The following CTTNBP2 variants were observed in gnomAD, a reference collection of about 807,000 sequenced individuals.
The protein encoded by CTTNBP2 is cortactin binding protein 2.
In CTTNBP2, 108 loss-of-function variants were observed where a neutral mutation model predicts 156.9. The observed-to-expected ratio is 0.69, with a 90% CI of 0.59 to 0.81. The LOEUF (loss-of-function observed/expected upper bound fraction) is 0.81. CTTNBP2 is among the 30% of genes least tolerant of loss of function. CTTNBP2 has a pLI of 0.00. For synonymous variants in CTTNBP2, 767 were observed against 751.8 expected, an observed-to-expected ratio of 1.02 and a Z score of -0.33; for missense variants, 1,924 against 2,035.4, an observed-to-expected ratio of 0.95 and a Z score of 1.05.
chr7:117,814,885 A>G lies in CTTNBP2; in HGVS notation c.190-3896T>C, dbSNP rs145187147. Reference sequence around the variant, plus strand: ...GTGTTGCTGATATCTTTAGTTGTCAAAATGAGAGAAATGAAGCAGTATTAT... The same window carrying G: ...GTGTTGCTGATATCTTTAGTTGTCAGAATGAGAGAAATGAAGCAGTATTAT... On this transcript the variant is annotated intron_variant, in intron 2 of 22. Coordinates refer to ENST00000160373, the MANE Select transcript of CTTNBP2 (RefSeq NM_033427.3). Among the ~76,000 whole-genome samples, 6 of 152,368 alleles carry G rather than the reference A, an allele frequency of 3.9e-5. No individual in the cohort carries two copies. The East Asian group carries it at 1.2e-3, about 29-fold the overall frequency.
At chr7:117,840,863 C>T (rs1755981452) in intron 2 of CTTNBP2, among the ~76,000 whole-genome samples, 1 of 152,250 alleles carries the variant, frequency 6.6e-6, no homozygotes, top group East Asian at 1.9e-4. Flanking sequence ...CTGGGTAGTG[C>T]AATACAGCTG....
chr7:117,791,788 G>A lies in CTTNBP2; in HGVS notation c.1408C>T (p.Pro470Ser). The A allele has an allele frequency of 6.2e-7, 1 of 1,614,194 alleles. No homozygotes were observed. Among genetic ancestry groups the A allele is most frequent in the Non-Finnish European group, 8.5e-7 (1 of 1,180,036 alleles). The change falls in exon 4 of 23, where the codon CCG becomes TCG. Residue 470 changes from proline to serine, a missense_variant. By Grantham distance (74) the Pro-to-Ser change is moderately conservative. Coordinates refer to ENST00000160373, the MANE Select transcript of CTTNBP2 (RefSeq NM_033427.3). ...CTTGTAGGCGAGACATCTCTTGACG[G>A]AGGACTTTGGGTAGTATTTCCATTT... ...DQNGNTTQSP[P>S]SRDVSPTSRD...
At chr7:117,777,030 T>C (rs1172046632) in intron 8 of CTTNBP2, among the ~76,000 whole-genome samples, 1 of 152,224 alleles carries the variant, frequency 6.6e-6, no homozygotes, top group African/African-American at 2.4e-5. Flanking sequence ...ATATTCAGAA[T>C]CTTTGTGTAT....
chr7:117,864,278 T>C (rs1803961298), intron 1 of CTTNBP2, among the ~76,000 whole-genome samples: 1 of 152,138 alleles, frequency 6.6e-6, no homozygotes, highest in African/African-American at 2.4e-5. Context: ...AATAAATCTG[T>C]CTCCCATCAC....
intron 2 of CTTNBP2, among the ~76,000 whole-genome samples, chr7:117,813,694 T>G (rs1001584002): frequency 6.6e-6 from 1 of 152,032 alleles, no homozygotes; most frequent in South Asian, 2.1e-4. Context: ...CCACCTCCAC[T>G]GAGCCCACCA....
At chr7:117,715,896 T>C (rs919945345) in intron 22 of CTTNBP2, 2 of 152,148 alleles carry the variant, frequency 1.3e-5, no homozygotes, top group African/African-American at 4.8e-5. Flanking sequence ...AAACTGGGCA[T>C]CTAACCCAGA....
intron 2 of CTTNBP2, among the ~76,000 whole-genome samples, chr7:117,859,945 A>T (rs1339470260): frequency 6.6e-6 from 1 of 152,114 alleles, no homozygotes; most frequent in East Asian, 1.9e-4. Context: ...CTTCCCACAC[A>T]ACTGAGTTCT....
At position 117,842,201 on chromosome 7, in the gene CTTNBP2, G is replaced by C. The variant is rs532796604; in HGVS notation, c.189+19008C>G. Among the ~76,000 whole-genome samples, 8 of 152,174 alleles carry C rather than the reference G, an allele frequency of 5.3e-5. No individual in the cohort carries two copies. The South Asian group carries it at 1.7e-3, about 32-fold the overall frequency. ...TTTTCTATAAAACTAAAACTGCTCCGAAAAAGTCTTTTTTTTAAAACAGAG... is the reference window on the plus strand; with the variant it reads ...TTTTCTATAAAACTAAAACTGCTCCCAAAAAGTCTTTTTTTTAAAACAGAG... On this transcript the variant is annotated intron_variant, in intron 2 of 22. Coordinates refer to ENST00000160373, the MANE Select transcript of CTTNBP2 (RefSeq NM_033427.3).
chr7:117,864,660 G>A (rs1803993639), intron 1 of CTTNBP2, among the ~76,000 whole-genome samples: 1 of 143,970 alleles, frequency 6.9e-6, no homozygotes, highest in Non-Finnish European at 1.5e-5. Context: ...CTAGATGTAT[G>A]AATATATATT....
chr7:117,735,687 A>G (rs1184258800), intron 14 of CTTNBP2, among the ~76,000 whole-genome samples: 3 of 152,254 alleles, frequency 2.0e-5, no homozygotes, highest in Non-Finnish European at 4.4e-5. Context: ...AATAGAATAA[A>G]TGAATAAATA....
chr7:117,800,778 A>C (rs1198856993), intron 3 of CTTNBP2, among the ~76,000 whole-genome samples: 1 of 152,192 alleles, frequency 6.6e-6, no homozygotes, highest in African/African-American at 2.4e-5. Flanking sequence ...ATAGAGAGAC[A>C]GACAAGATAT....
At chr7:117,726,062 A>G (rs1795078982) in intron 17 of CTTNBP2, among the ~76,000 whole-genome samples, 1 of 152,226 alleles carries the variant, frequency 6.6e-6, no homozygotes, top group South Asian at 2.1e-4. Context: ...GCTCAGTTCT[A>G]TAGGGAGGAT....
intron 12 of CTTNBP2, among the ~76,000 whole-genome samples, chr7:117,752,911 G>A (rs986549561): frequency 6.6e-6 from 1 of 152,160 alleles, no homozygotes. Context: ...AGAGGTTGGT[G>A]TATAATAAAT....
chr7:117,803,096 C>T (rs1440316028), intron 3 of CTTNBP2, among the ~76,000 whole-genome samples: 2 of 152,184 alleles, frequency 1.3e-5, no homozygotes, highest in Non-Finnish European at 2.9e-5. Context: ...TATCTCAGCA[C>T]TATTCACAAT....
chr7:117,717,708 C>T (rs2116353600), intron 22 of CTTNBP2, among the ~76,000 whole-genome samples: 1 of 145,882 alleles, frequency 6.9e-6, no homozygotes, highest in African/African-American at 2.6e-5. Flanking sequence ...GAGGATAAGG[C>T]AGAACTACAA....
intron 14 of CTTNBP2, among the ~76,000 whole-genome samples, chr7:117,740,188 T>C (rs1032322612): frequency 2.6e-5 from 4 of 152,000 alleles, no homozygotes; most frequent in African/African-American, 9.7e-5. Flanking sequence ...TATGCTAGAA[T>C]AAGTGCTGTG....
intron 2 of CTTNBP2, among the ~76,000 whole-genome samples, chr7:117,860,992 C>T (rs1028975005): frequency 1.3e-5 from 2 of 152,178 alleles, no homozygotes; most frequent in African/African-American, 4.8e-5. Flanking sequence ...TAAACAGTTT[C>T]GTCTCGGCCC....
chr7:117,797,295 A>G (rs1799371863), intron 3 of CTTNBP2, among the ~76,000 whole-genome samples: 1 of 152,226 alleles, frequency 6.6e-6, no homozygotes, highest in Admixed American at 6.5e-5. Flanking sequence ...TGCCAACTGC[A>G]AGGAGACAGA....
At chr7:117,804,767 T>C (rs1245838829) in intron 3 of CTTNBP2, among the ~76,000 whole-genome samples, 1 of 152,146 alleles carries the variant, frequency 6.6e-6, no homozygotes, top group African/African-American at 2.4e-5. Context: ...CTGGGGCCTG[T>C]TGGGGCATGG....
Sources: allele counts gnomAD v4.1 joint callset (sites outside exome capture counted in the v4.1 genomes callset), GRCh38; gene constraint gnomAD v4.1.1; transcripts MANE v1.5; gene names NCBI Gene and HGNC (gene_info 2026-07-23, HGNC 2026-07-21).